PBX1: variants seen among roughly 807,000 people sequenced by gnomAD.
PBX1 encodes the protein PBX homeobox 1, also known as pre-B-cell leukemia transcription factor 1.
In PBX1, 6 loss-of-function variants were observed where a neutral mutation model predicts 53.4. The ratio of observed to expected loss-of-function variants is 0.11; its 90% CI spans 0.06 to 0.22. The LOEUF (loss-of-function observed/expected upper bound fraction) is 0.22. Among genes scored for constraint, PBX1 ranks in the 10% least tolerant of loss-of-function variants. The pLI, the probability that PBX1 is intolerant of heterozygous loss-of-function variation, is 1.00. For missense variants in PBX1, 251 were observed against 551.4 expected, an observed-to-expected ratio of 0.46 and a Z score of 5.46; for synonymous variants, 204 against 212.3, an observed-to-expected ratio of 0.96 and a Z score of 0.34.
intron 2 of PBX1, among the ~76,000 whole-genome samples, chr1:164,668,233 C>A (rs972651317): frequency 6.6e-6 from 1 of 152,140 alleles, no homozygotes; most frequent in African/African-American, 2.4e-5. Context: ...ACCCAAGCGA[C>A]CGGTCTTTCC....
chr1:164,668,961 C>G (rs924075799), intron 2 of PBX1, among the ~76,000 whole-genome samples: 2 of 152,142 alleles, frequency 1.3e-5, no homozygotes, highest in Non-Finnish European at 2.9e-5. Flanking sequence ...GCTTGGGAGT[C>G]TGGTAGGAAG....
At position 164,696,489 on chromosome 1, in the gene PBX1, C is replaced by A. The variant is rs76259939; in HGVS notation, c.266-96005C>A. Among the ~76,000 whole-genome samples, 1,368 of 152,248 alleles carry A rather than the reference C, an allele frequency of 9.0e-3. 24 individuals carry two copies. The highest frequency in any genetic ancestry group is 0.031 in the African/African-American group (1,296 of 41,538). The stretch of plus-strand genomic sequence containing the variant: ...ATGTAACTCGGAAATAAGGCTTTGC[C>A]AGGATTGTCGTAGAGTTTGCTGCAT... On this transcript the variant is annotated intron_variant, in intron 2 of 8. Coordinates refer to ENST00000420696, the MANE Select transcript of PBX1 (RefSeq NM_002585.4).
chr1:164,686,534 T>C lies in PBX1; in HGVS notation c.266-105960T>C, dbSNP rs563996537. On this transcript the variant is annotated intron_variant, in intron 2 of 8. Transcript: ENST00000420696. Reference sequence around the variant, plus strand: ...AGAATGGTCAGGAGGAAAGGCACTTTAAGGTATCAGAAGGTAGAAAGGAGA... The same window carrying C: ...AGAATGGTCAGGAGGAAAGGCACTTCAAGGTATCAGAAGGTAGAAAGGAGA... 1.4e-3 allele frequency among the ~76,000 whole-genome samples: 207 copies of C among 152,270 alleles called. 1 individual carries two copies. Among genetic ancestry groups the C allele is most frequent in the African/African-American group, 4.7e-3 (194 of 41,566 alleles).
chr1:164,673,465 C>CTTTTTTTTTTTTTT (rs1171916726), intron 2 of PBX1, among the ~76,000 whole-genome samples: 2 of 109,406 alleles, frequency 1.8e-5, no homozygotes, highest in African/African-American at 7.9e-5. Flanking sequence ...AAATTACTAA[C>CTTTTTTTTTTTTTT]TTTTTTTTTT....
chr1:164,784,762 A>G, intron 2 of PBX1, among the ~76,000 whole-genome samples: 1 of 152,334 alleles, frequency 6.6e-6, no homozygotes, highest in Admixed American at 6.5e-5. Flanking sequence ...CTCAATAAAT[A>G]TTCCTGGGCT....
intron 2 of PBX1, among the ~76,000 whole-genome samples, chr1:164,870,902 G>A (rs1294099817): frequency 6.6e-6 from 1 of 152,080 alleles, no homozygotes; most frequent in Non-Finnish European, 1.5e-5. Flanking sequence ...CAGATCAGAG[G>A]TATGAAACTC....
intron 8 of PBX1, among the ~76,000 whole-genome samples, chr1:164,846,074 G>A (rs940524059): frequency 2.0e-5 from 3 of 151,944 alleles, no homozygotes; most frequent in Admixed American, 6.6e-5. Flanking sequence ...ATACCCATGA[G>A]CATCTAGTAT....
At chr1:164,794,457 G>T (rs1313826032) in intron 3 of PBX1, among the ~76,000 whole-genome samples, 2 of 152,188 alleles carry the variant, frequency 1.3e-5, no homozygotes, top group Non-Finnish European at 2.9e-5. Context: ...CAGACAAGGT[G>T]TAGGGAGGGT....
intron 8 of PBX1, among the ~76,000 whole-genome samples, chr1:164,842,017 C>T (rs1671323031): frequency 6.6e-6 from 1 of 152,178 alleles, no homozygotes; most frequent in Non-Finnish European, 1.5e-5. Flanking sequence ...CTTGCTTGGG[C>T]TGTCACATCA....
chr1:164,565,423 A>G (rs902045298), intron 2 of PBX1, among the ~76,000 whole-genome samples: 16 of 67,446 alleles, frequency 2.4e-4, no homozygotes, highest in Non-Finnish European at 2.9e-4. Context: ...GTGTTAAGGG[A>G]CACACACACA....
At chr1:164,843,844 T>C (rs972532250) in intron 8 of PBX1, among the ~76,000 whole-genome samples, 1 of 152,138 alleles carries the variant, frequency 6.6e-6, no homozygotes, top group African/African-American at 2.4e-5. Flanking sequence ...CTGGGCAATA[T>C]AGAATGCCTT....
intron 2 of PBX1, chr1:164,625,868 C>A: frequency 1.1e-6 from 1 of 920,626 alleles, no homozygotes; most frequent in Non-Finnish European, 1.3e-6. Flanking sequence ...CCCCACCCTC[C>A]TTCTGCCTTT....
intron 2 of PBX1, among the ~76,000 whole-genome samples, chr1:164,672,833 G>A (rs145034018): frequency 2.0e-5 from 3 of 152,222 alleles, no homozygotes; most frequent in East Asian, 1.9e-4. Flanking sequence ...TTGGCTTTTG[G>A]ACTACCCATA....
At chr1:164,801,036 C>T (rs758874548) in intron 4 of PBX1, among the ~76,000 whole-genome samples, 7 of 152,054 alleles carry the variant, frequency 4.6e-5, no homozygotes, top group East Asian at 1.9e-4. Context: ...CTCTTTAAAA[C>T]GCCCTGGCAT....
chr1:164,582,327 T>C (rs1654667822), intron 2 of PBX1, among the ~76,000 whole-genome samples: 1 of 152,034 alleles, frequency 6.6e-6, no homozygotes, highest in Non-Finnish European at 1.5e-5. Context: ...CCGTTTCAAA[T>C]TGCCAAACAT....
intron 6 of PBX1, among the ~76,000 whole-genome samples, chr1:164,812,505 G>A (rs970569850): frequency 3.9e-5 from 6 of 152,084 alleles, no homozygotes; most frequent in Admixed American, 3.3e-4. Flanking sequence ...CTGTCATTTG[G>A]CCTGTTTTAT....
In PBX1 at chr1:164,849,770, A is replaced by T. The variant is rs556812877; in HGVS notation, c.*3094A>T. The stretch of plus-strand genomic sequence containing the variant: ...TATTTTGCTATGGTGGTGATTCTTT[A>T]TTTGCTGGTTGTCTTTTCTCACACA... On this transcript the variant is annotated 3_prime_UTR_variant, in exon 9 of 9. Coordinates refer to ENST00000420696, the MANE Select transcript of PBX1 (RefSeq NM_002585.4). The T allele has an allele frequency of 2.5e-4, 61 of 240,304 alleles. 1 individual carries two copies. The South Asian group carries it at 0.01, about 41-fold the overall frequency. 14.9% of individuals were successfully genotyped at this position (240,304 alleles called of 1,614,324 possible). A position where few individuals can be genotyped will look rare whatever the true frequency, so the allele number is the denominator to read the frequency against.
intron 2 of PBX1, chr1:164,684,276 C>T (rs953205956): frequency 6.6e-6 from 1 of 152,174 alleles, no homozygotes; most frequent in Non-Finnish European, 1.5e-5. Flanking sequence ...TTACCTATCT[C>T]TGGCAGGTAA....
chr1:164,696,156 A>T (rs925799496), intron 2 of PBX1, among the ~76,000 whole-genome samples: 2 of 152,186 alleles, frequency 1.3e-5, no homozygotes, highest in African/African-American at 4.8e-5. Flanking sequence ...AATGTGCCGG[A>T]TGTACTAGAG....
Sources: gnomAD v4.1 joint callset for allele counts (sites outside exome capture counted in the v4.1 genomes callset) on GRCh38, gnomAD v4.1.1 for gene constraint, MANE v1.5 for transcripts, NCBI Gene and HGNC (gene_info 2026-07-23, HGNC 2026-07-21) for gene names.